Variants in CDH18 observed in about 807,000 individuals in gnomAD.
The protein encoded by CDH18 is cadherin 18, also known as cadherin-18.
Under a neutral mutation model 67.9 loss-of-function variants are expected in CDH18, and 31 were observed. That is an observed-to-expected ratio of 0.46 (90% confidence interval 0.34 to 0.62). The LOEUF is 0.62. CDH18 is among the 20% of genes least tolerant of loss of function. The probability of loss-of-function intolerance (pLI) is 0.01; values close to 1 mark genes in which losing one functional copy is unlikely to be tolerated. For synonymous variants in CDH18, 362 were observed against 347.2 expected (o/e 1.04, Z -0.48); for missense variants, 890 against 975.5 (o/e 0.91, Z 1.17).
chr5:19,970,802 T>C (rs987969404), intron 2 of CDH18, among the ~76,000 whole-genome samples: 4 of 150,850 alleles, frequency 2.7e-5, no homozygotes, highest in Admixed American at 6.6e-5. Context: ...ATTAAATATA[T>C]ATAAGTGTTT....
At chr5:19,745,586 T>G (rs905449263) in intron 4 of CDH18, among the ~76,000 whole-genome samples, 2 of 152,178 alleles carry the variant, frequency 1.3e-5, no homozygotes, top group African/African-American at 4.8e-5. Context: ...TGAGTTCCCA[T>G]GCAAACTCTC....
intron 2 of CDH18, among the ~76,000 whole-genome samples, chr5:19,928,158 C>T (rs562996976): frequency 2.6e-5 from 4 of 152,276 alleles, no homozygotes; most frequent in South Asian, 2.1e-4. Context: ...TGCAGAGAGT[C>T]GCCCTGGCTT....
chr5:20,311,113 A>C lies in CDH18; in HGVS notation c.-579-55608T>G, dbSNP rs555214810. On this transcript the variant is annotated intron_variant, in intron 1 of 14. Transcript: ENST00000507958. The stretch of plus-strand genomic sequence containing the variant: ...ACAAAACAAAACAAAAACAAACAAA[A>C]AAAAGCCTTTCTAACTGAAAAGTCA... Among the ~76,000 whole-genome samples the C allele has an allele frequency of 9.9e-4, 151 of 152,240 alleles. 1 individual carries two copies. Among genetic ancestry groups the C allele is most frequent in the African/African-American group, 3.5e-3 (144 of 41,568 alleles).
intron 5 of CDH18, among the ~76,000 whole-genome samples, chr5:19,720,411 T>C (rs1291876624): frequency 6.6e-6 from 1 of 152,162 alleles, no homozygotes; most frequent in Non-Finnish European, 1.5e-5. Flanking sequence ...GATCTCTCTC[T>C]ACTTCATCCA....
At chr5:19,537,940 A>G (rs1483275021) in intron 9 of CDH18, among the ~76,000 whole-genome samples, 1 of 152,204 alleles carries the variant, frequency 6.6e-6, no homozygotes, top group Admixed American at 6.5e-5. Flanking sequence ...AAATACAGAA[A>G]ATTTTAAGAG....
intron 2 of CDH18, among the ~76,000 whole-genome samples, chr5:19,914,196 T>G (rs961731571): frequency 6.6e-6 from 1 of 152,096 alleles, no homozygotes; most frequent in East Asian, 1.9e-4. Context: ...AATTTAATAG[T>G]GTCTTATATG....
At chr5:19,626,436 G>A (rs188839304) in intron 5 of CDH18, among the ~76,000 whole-genome samples, 5 of 152,298 alleles carry the variant, frequency 3.3e-5, no homozygotes, top group Admixed American at 2.0e-4. Context: ...GGTTAACCAA[G>A]TGTGAGATCA....
rs367663786 is a variant in CDH18 at position 20,226,840 on chromosome 5, TCTC to T, written c.-518+28601_-518+28603del. Among the ~76,000 whole-genome samples, 861 of 152,060 alleles carry T rather than the reference TCTC, an allele frequency of 5.7e-3. 10 individuals are homozygous for T. Among genetic ancestry groups the T allele is most frequent in the African/African-American group, 0.02 (828 of 41,508 alleles). On this transcript the variant is annotated intron_variant, in intron 2 of 14. Transcript: ENST00000507958. ...AGAGGAGCAGAGGAGACAAGGCACT[TCTC>T]CATACACACACATACACACACCTAT... is the stretch of plus-strand genomic sequence containing the variant.
intron 2 of CDH18, among the ~76,000 whole-genome samples, chr5:20,031,008 A>G (rs903132751): frequency 3.3e-5 from 5 of 152,136 alleles, no homozygotes; most frequent in Non-Finnish European, 7.4e-5. Context: ...CAGAGGATAC[A>G]GGTACCTATA....
At chr5:20,225,672 C>T (rs1366305607) in intron 2 of CDH18, among the ~76,000 whole-genome samples, 1 of 152,116 alleles carries the variant, frequency 6.6e-6, no homozygotes, top group South Asian at 2.1e-4. Context: ...AGTAGGGATT[C>T]GTTAGAGCTT....
intron 3 of CDH18, among the ~76,000 whole-genome samples, chr5:19,771,738 A>G (rs896318315): frequency 9.2e-5 from 14 of 152,108 alleles, no homozygotes. Flanking sequence ...AGTAAGCTGA[A>G]CTCAAAAAAA....
chr5:19,771,863 A>T (rs1773772477), intron 3 of CDH18, among the ~76,000 whole-genome samples: 1 of 152,156 alleles, frequency 6.6e-6, no homozygotes, highest in African/African-American at 2.4e-5. Flanking sequence ...TAACTGCAAT[A>T]TATTCTTTAC....
intron 2 of CDH18, among the ~76,000 whole-genome samples, chr5:20,188,773 G>T (rs548643099): frequency 7.0e-6 from 1 of 143,162 alleles, no homozygotes; most frequent in Non-Finnish European, 1.5e-5. Context: ...TGTAATCTAG[G>T]CTTTTGCAGC....
Position 20,172,223 on chromosome 5 carries a change from T to TATACACATATATATACATATATAC in CDH18, c.-518+83220_-518+83221insGTATATATGTATATATATGTGTAT, listed in dbSNP as rs1554098639. Among the ~76,000 whole-genome samples the TATACACATATATATACATATATAC allele has an allele frequency of 3.9e-4, 17 of 43,922 alleles. No individual in the cohort carries two copies. The South Asian group carries it at 0.012, about 31-fold the overall frequency. The allele number at this position is 43,922 out of a possible 152,430, so 28.8% of individuals were successfully genotyped here. A position where few individuals can be genotyped will look rare whatever the true frequency, so the allele number is the denominator to read the frequency against. On this transcript the variant is annotated intron_variant, in intron 2 of 14. Coordinates refer to the CDH18 transcript ENST00000507958. ...ATATATATATATATATATATATATATGTATATATATATATATGTATATATA... is the reference window on the plus strand; with the variant it reads ...ATATATATATATATATATATATATATATACACATATATATACATATATACGTATATATATATATATGTATATATA...
At chr5:20,197,519 T>G (rs1430304730) in intron 2 of CDH18, among the ~76,000 whole-genome samples, 2 of 152,290 alleles carry the variant, frequency 1.3e-5, no homozygotes, top group Admixed American at 6.5e-5. Context: ...ACATGACAAT[T>G]ACGACTCAAG....
In CDH18 at chr5:20,313,287, C is replaced by T. The variant is rs371054684; in HGVS notation, c.-579-57782G>A. On this transcript the variant is annotated intron_variant, in intron 1 of 14. Transcript: ENST00000507958. ...TTTTATTCTTAAATGAGATGGTTCT[C>T]ATTCTGTCATTTCTCTTTCTACTGA... Among the ~76,000 whole-genome samples the T allele has an allele frequency of 1.5e-4, 23 of 152,164 alleles. No individual in the cohort carries two copies. The East Asian group carries it at 1.5e-3, about 10-fold the overall frequency.
At chr5:20,123,337 T>A (rs933761428) in intron 2 of CDH18, among the ~76,000 whole-genome samples, 21 of 152,172 alleles carry the variant, frequency 1.4e-4, no homozygotes, top group African/African-American at 5.1e-4. Context: ...AGGAGAACGC[T>A]GGAGGCTGTG....
At chr5:19,549,450 C>T (rs1736956691) in intron 8 of CDH18, among the ~76,000 whole-genome samples, 1 of 152,034 alleles carries the variant, frequency 6.6e-6, no homozygotes, top group African/African-American at 2.4e-5. Context: ...TATAAATGAC[C>T]CAGCTTCAGG....
intron 5 of CDH18, among the ~76,000 whole-genome samples, chr5:19,648,223 T>G (rs1317484417): frequency 1.3e-5 from 2 of 150,600 alleles, no homozygotes; most frequent in African/African-American, 4.9e-5. Context: ...GAGACCAGCC[T>G]GGCCAACATG....
Sources: allele counts gnomAD v4.1 joint callset (sites outside exome capture counted in the v4.1 genomes callset), GRCh38; gene constraint gnomAD v4.1.1; transcripts MANE v1.5; gene names NCBI Gene and HGNC (gene_info 2026-07-23, HGNC 2026-07-21).